Variants in HERC1 observed in about 807,000 individuals in gnomAD.
HERC1 encodes probable E3 ubiquitin-protein ligase HERC1.
Under a neutral mutation model 554.3 loss-of-function variants are expected in HERC1, and 160 were observed. The ratio of observed to expected loss-of-function variants is 0.29; its 90% CI spans 0.25 to 0.33. The LOEUF is 0.33. HERC1 is among the 10% of genes least tolerant of loss of function. The probability of loss-of-function intolerance (pLI) is 1.00; values close to 1 mark genes in which losing one functional copy is unlikely to be tolerated. For missense variants in HERC1, 4,919 were observed against 5,918.5 expected, an observed-to-expected ratio of 0.83 and a Z score of 5.54; for synonymous variants, 2,175 against 2,131.7, an observed-to-expected ratio of 1.02 and a Z score of -0.56.
intron 1 of HERC1, among the ~76,000 whole-genome samples, chr15:63,794,606 A>G (rs1292941426): frequency 2.0e-5 from 3 of 152,176 alleles, no homozygotes; most frequent in African/African-American, 7.2e-5. Context: ...TGGAGATTCC[A>G]AAGATTTTAG....
chr15:63,646,133 C>T (rs1191928458), intron 55 of HERC1, among the ~76,000 whole-genome samples: 6 of 152,130 alleles, frequency 3.9e-5, no homozygotes, highest in Non-Finnish European at 7.4e-5. Flanking sequence ...TCATTGTGCT[C>T]TTCTGATTTT....
At chr15:63,753,205 G>A (rs1215059776) in intron 7 of HERC1, 120 bp from the exon 8 acceptor site, 1 of 642,048 alleles carries the variant, frequency 1.6e-6, no homozygotes, top group Non-Finnish European at 2.3e-6. Flanking sequence ...GATATGAAAA[G>A]CTATGTTTCT....
chr15:63,615,895 C>A lies in HERC1; in HGVS notation c.13967G>T (p.Gly4656Val), dbSNP rs1353271312. The A allele has an allele frequency of 1.3e-6, 2 of 1,595,642 alleles. No individual in the cohort carries two copies. The highest frequency in any genetic ancestry group is 1.7e-6 in the Non-Finnish European group (2 of 1,172,996). Residue 4656 changes from glycine to valine, a missense_variant, in exon 76 of 78, where the codon GGC (glycine) becomes GTC (valine). Gly to Val is a moderately radical substitution (Grantham distance 109). Around this residue, in one of 11 missense-constraint regions of HERC1, gnomAD observed 284 missense variants for 294.1 expected, o/e 0.97. Transcript: ENST00000443617. The part of the protein sequence containing the change: ...HEMIPLDSFV[G>V]QSADGKMVPI... ...AACCATTTTGCCATCAGCACTCTGG[C>A]CAACAAAAGAATCAAGAGGAATCAT...
chr15:63,706,030 C>CAAA (rs35213471), intron 25 of HERC1, among the ~76,000 whole-genome samples: 4,952 of 43,586 alleles, frequency 0.11, 220 homozygotes, highest in African/African-American at 0.13. Flanking sequence ...ACCCTGTCTC[C>CAAA]AAAAAAAAAA....
intron 33 of HERC1, among the ~76,000 whole-genome samples, chr15:63,687,161 C>T (rs981319270): frequency 3.9e-5 from 6 of 152,174 alleles, no homozygotes; most frequent in Non-Finnish European, 7.3e-5. Context: ...CACATCTGTG[C>T]TTTATAAACA....
intron 14 of HERC1, 127 bp downstream of exon 14, chr15:63,732,797 T>A: frequency 1.6e-6 from 1 of 629,718 alleles, no homozygotes; most frequent in South Asian, 2.1e-5. Context: ...CCTGACATGT[T>A]TTTCCCCTTG....
chr15:63,648,257 T>C (rs745715534), intron 54 of HERC1, 58 bp from the exon 55 acceptor site: 90 of 1,490,152 alleles, frequency 6.0e-5, no homozygotes, highest in Non-Finnish European at 8.0e-5. Context: ...TTGTCTGACT[T>C]AAAAGACAGA....
chr15:63,692,572 G>A lies in HERC1; in HGVS notation c.5675-6C>T. On this transcript the variant is annotated splice_polypyrimidine_tract_variant and splice_region_variant and intron_variant, in intron 30 of 77. Coordinates refer to ENST00000443617, the MANE Select transcript of HERC1 (RefSeq NM_003922.4). This position sits in a 1 kb window ranked among gnomAD's most constrained non-coding sequence, Gnocchi z 4.7. ...ATGTTGTTTCCTAAGAGCAGCTACA[G>A]TGAAGAGACAAGTTTACGTTACAAC... 1 of 1,597,944 alleles carries A rather than the reference G, an allele frequency of 6.3e-7. No homozygotes were observed. The highest frequency in any genetic ancestry group is 8.5e-7 in the Non-Finnish European group (1 of 1,174,716).
chr15:63,729,506 G>A lies in HERC1; in HGVS notation c.3012C>T (p.Asn1004=). ...ACAAATAATCGCATACCTCACTAAT[G>A]TTATTGATATGGCAAAATGCCAGCA... ...KQLLAFCHIN[N]ISENSSSVAL... The change falls in exon 15 of 78, where the codon AAC becomes AAT. Residue 1004 remains asparagine (N), a synonymous_variant. Transcript: ENST00000443617. The A allele has an allele frequency of 1.2e-6, 2 of 1,613,594 alleles. No homozygotes were observed. The highest frequency in any genetic ancestry group is 1.7e-6 in the Non-Finnish European group (2 of 1,179,584).
chr15:63,696,081 A>C, intron 27 of HERC1, 43 bp downstream of exon 27: 2 of 1,401,640 alleles, frequency 1.4e-6, no homozygotes, highest in Non-Finnish European at 2.0e-6. Flanking sequence ...TGGCTTTGTA[A>C]AATGACAGTT....
At chr15:63,712,921 G>A (rs764400375) in intron 23 of HERC1, 26 bp from the exon 24 acceptor site, 1 of 1,591,360 alleles carries the variant, frequency 6.3e-7, no homozygotes, top group South Asian at 1.1e-5. Flanking sequence ...AAAAAAAAAA[G>A]TTTTTTGATT....
intron 1 of HERC1, among the ~76,000 whole-genome samples, chr15:63,822,101 T>C (rs2077721766): frequency 6.6e-6 from 1 of 152,076 alleles, no homozygotes; most frequent in African/African-American, 2.4e-5. Flanking sequence ...GAGCCAGCAG[T>C]GCAAAAACTT....
At chr15:63,697,180 T>C (rs2072466521) in intron 26 of HERC1, among the ~76,000 whole-genome samples, 1 of 152,136 alleles carries the variant, frequency 6.6e-6, no homozygotes, top group African/African-American at 2.4e-5. Context: ...TCATTTCCTT[T>C]TCCAGGATTT....
intron 59 of HERC1, among the ~76,000 whole-genome samples, chr15:63,642,537 C>T (rs2069121023): frequency 6.6e-6 from 1 of 152,114 alleles, no homozygotes; most frequent in African/African-American, 2.4e-5. Context: ...GGGGTTTCAC[C>T]ATGTTGGCCA....
rs769109445 is a variant in HERC1, at chr15:63,628,629, A to G, written c.13105+48T>C. 28 of 1,555,584 alleles carry G rather than the reference A, an allele frequency of 1.8e-5. No individual in the cohort carries two copies. The South Asian group carries it at 2.7e-4, about 15-fold the overall frequency. ...TGGCAAGCAGACAGTGCCATGGGGTACTGCTAAAAAAGAAACGCTGCAGGA... is the reference window on the plus strand; with the variant it reads ...TGGCAAGCAGACAGTGCCATGGGGTGCTGCTAAAAAAGAAACGCTGCAGGA... On this transcript the variant is annotated intron_variant, in intron 70 of 77. Coordinates refer to ENST00000443617, the MANE Select transcript of HERC1 (RefSeq NM_003922.4).
chr15:63,833,793 G>GCACACACACACACACA (rs1567176634), intron 1 of HERC1, 34 bp downstream of exon 1: 31 of 146,352 alleles, frequency 2.1e-4, no homozygotes, highest in African/African-American at 8.0e-4. Flanking sequence ...ACACACACAG[G>GCACACACACACACACA]ACCAGGAGGA....
chr15:63,623,640 C>T, intron 73 of HERC1, 85 bp downstream of exon 73: 1 of 1,280,966 alleles, frequency 7.8e-7, no homozygotes, highest in Non-Finnish European at 1.1e-6. Flanking sequence ...TTTATAAAAA[C>T]ATGCCTGGCA....
intron 37 of HERC1, among the ~76,000 whole-genome samples, chr15:63,675,613 T>C (rs980589714): frequency 2.0e-5 from 3 of 152,248 alleles, no homozygotes; most frequent in Admixed American, 6.5e-5. Context: ...TGGTTACTTA[T>C]AACTTATTTC....
At chr15:63,730,819 C>G (rs1037481665) in intron 14 of HERC1, among the ~76,000 whole-genome samples, 1 of 152,120 alleles carries the variant, frequency 6.6e-6, no homozygotes, top group Non-Finnish European at 1.5e-5. Context: ...TGAATGATTC[C>G]TATAACTCCT....
Sources: gnomAD v4.1 joint callset for allele counts (sites outside exome capture counted in the v4.1 genomes callset) on GRCh38, gnomAD v4.1.1 for gene constraint, gnomAD v4.1.1 regional missense constraint, Gnocchi (gnomAD v3.1) non-coding constraint, MANE v1.5 for transcripts, NCBI Gene and HGNC (gene_info 2026-07-23, HGNC 2026-07-21) for gene names.